Variants in MTBP observed in about 807,000 individuals in gnomAD.
MTBP encodes the protein mdm2-binding protein.
Under a neutral mutation model 117.0 loss-of-function variants are expected in MTBP, and 101 were observed. The ratio of observed to expected loss-of-function variants is 0.86; its 90% CI spans 0.73 to 1.02. The LOEUF (loss-of-function observed/expected upper bound fraction) is 1.02. Among genes scored for constraint, MTBP ranks in the 50% least tolerant of loss-of-function variants. The pLI is 0.00. For missense variants in MTBP, 970 were observed against 1,030.9 expected (o/e 0.94, Z 0.81); for synonymous variants, 350 against 351.5 (o/e 1.00, Z 0.05).
At chr8:120,478,528 CTA>C (rs562018071) in intron 11 of MTBP, among the ~76,000 whole-genome samples, 107 of 152,216 alleles carry the variant, frequency 7.0e-4, no homozygotes, top group African/African-American at 2.4e-3. Flanking sequence ...TTTTAGAACT[CTA>C]AACTCCAATA....
At chr8:120,477,851 T>C (rs200257402) in intron 11 of MTBP, among the ~76,000 whole-genome samples, 1 of 152,086 alleles carries the variant, frequency 6.6e-6, no homozygotes, top group Non-Finnish European at 1.5e-5. Context: ...GTGGCAATTC[T>C]TCAATGATCT....
chr8:120,467,479 G>A (rs748564129), intron 10 of MTBP, among the ~76,000 whole-genome samples: 4 of 152,146 alleles, frequency 2.6e-5, no homozygotes, highest in Admixed American at 1.3e-4. Context: ...TTATCCAGGC[G>A]TGGTGGCATG....
At chr8:120,447,710 A>G (rs1472341163) in intron 2 of MTBP, among the ~76,000 whole-genome samples, 1 of 152,224 alleles carries the variant, frequency 6.6e-6, no homozygotes, top group Non-Finnish European at 1.5e-5. Context: ...ATAAAAAAAT[A>G]GTAAAAATAA....
chr8:120,463,870 G>A (rs777719473), intron 10 of MTBP, 109 bp downstream of exon 10: 2 of 1,049,584 alleles, frequency 1.9e-6, no homozygotes, highest in Non-Finnish European at 2.7e-6. Flanking sequence ...TTGATGACTT[G>A]GTTTCTTTAA....
intron 2 of MTBP, among the ~76,000 whole-genome samples, chr8:120,447,685 T>C (rs1457899796): frequency 6.6e-6 from 1 of 152,186 alleles, no homozygotes; most frequent in African/African-American, 2.4e-5. Flanking sequence ...CTTACTGTTA[T>C]AAAATTTTAT....
At chr8:120,449,117 A>T (rs1813284661) in intron 2 of MTBP, among the ~76,000 whole-genome samples, 2 of 152,192 alleles carry the variant, frequency 1.3e-5, no homozygotes, top group African/African-American at 4.8e-5. Flanking sequence ...AGAAGACCAA[A>T]TGAGGAATGG....
At chr8:120,521,730 G>A (rs1054621533) in intron 20 of MTBP, among the ~76,000 whole-genome samples, 1 of 152,314 alleles carries the variant, frequency 6.6e-6, no homozygotes, top group East Asian at 1.9e-4. Context: ...TGAGACATCA[G>A]CTTCCTTTTG....
chr8:120,500,620 G>C (rs1814563563), intron 14 of MTBP, among the ~76,000 whole-genome samples: 1 of 152,184 alleles, frequency 6.6e-6, no homozygotes, highest in African/African-American at 2.4e-5. Context: ...AAAATGTGAA[G>C]TGTTGTATTT....
chr8:120,463,785 TTTTG>T (rs772896388), intron 10 of MTBP, 24 bp downstream of exon 10: 6 of 1,600,416 alleles, frequency 3.7e-6, no homozygotes, highest in East Asian at 2.2e-5. Flanking sequence ...CTTGGGGGTT[TTTTG>T]TTTGTTTGTT....
intron 13 of MTBP, among the ~76,000 whole-genome samples, chr8:120,494,604 T>G (rs1466533351): frequency 6.6e-6 from 1 of 152,242 alleles, no homozygotes; most frequent in Non-Finnish European, 1.5e-5. Flanking sequence ...CATCTAACTA[T>G]GGAAGATAAA....
chr8:120,501,355 G>A (rs962922564), intron 14 of MTBP, among the ~76,000 whole-genome samples: 17 of 149,610 alleles, frequency 1.1e-4, no homozygotes, highest in African/African-American at 3.0e-4. Context: ...GCGAGACTCC[G>A]TCTCAAAAAC....
chr8:120,459,436 A>G, intron 8 of MTBP, 87 bp downstream of exon 8: 1 of 1,324,068 alleles, frequency 7.6e-7, no homozygotes, highest in South Asian at 1.4e-5. Context: ...AATATTACTA[A>G]TATATGTGCT....
intron 13 of MTBP, among the ~76,000 whole-genome samples, chr8:120,495,323 T>A (rs2130591594): frequency 6.6e-6 from 1 of 152,316 alleles, no homozygotes; most frequent in South Asian, 2.1e-4. Flanking sequence ...TGTGGTAATC[T>A]AATTTTGGTT....
chr8:120,516,787 A>G (rs1224754066), intron 18 of MTBP, among the ~76,000 whole-genome samples: 2 of 152,034 alleles, frequency 1.3e-5, no homozygotes, highest in African/African-American at 4.8e-5. Context: ...TGTCAAACTT[A>G]GGTTCTTGGC....
chr8:120,509,359 T>C (rs1457706959), intron 16 of MTBP, among the ~76,000 whole-genome samples: 1 of 152,176 alleles, frequency 6.6e-6, no homozygotes, highest in Non-Finnish European at 1.5e-5. Context: ...CCTAACACTT[T>C]GGGAGGCTGA....
intron 6 of MTBP, among the ~76,000 whole-genome samples, chr8:120,455,818 A>T (rs905727923): frequency 6.6e-6 from 1 of 152,086 alleles, no homozygotes; most frequent in Non-Finnish European, 1.5e-5. Flanking sequence ...TTTTACAACC[A>T]TTATTGAGGA....
rs1030461815 is a variant in MTBP, at chr8:120,490,553, C to G, written c.1430C>G (p.Ala477Gly). ...EKQLANVQVL[A>G]LEECLKRRKL... ...CAGTTAGCTAATGTTCAAGTTTTAG[C>G]TTTGGAAGAATGCCTAAGTAAGTAA... Residue 477 changes from alanine (A) to glycine (G), a missense_variant, in exon 13 of 22, where the codon GCT becomes GGT. Physicochemically the swap from Ala to Gly is moderately conservative, Grantham distance 60. Coordinates refer to ENST00000305949, the MANE Select transcript of MTBP (RefSeq NM_022045.5). 7 of 1,600,028 alleles carry G rather than the reference C, an allele frequency of 4.4e-6. No homozygotes were observed. In the African/African-American group the frequency reaches 9.4e-5, roughly 22 times the overall value.
intron 11 of MTBP, among the ~76,000 whole-genome samples, chr8:120,483,862 C>T (rs1814152040): frequency 6.6e-6 from 1 of 151,898 alleles, no homozygotes; most frequent in Non-Finnish European, 1.5e-5. Flanking sequence ...TTTTAGTAAT[C>T]ATTTTCCCTT....
chr8:120,500,584 A>G (rs1442363854), intron 14 of MTBP, among the ~76,000 whole-genome samples: 2 of 152,196 alleles, frequency 1.3e-5, no homozygotes, highest in Non-Finnish European at 2.9e-5. Context: ...TTACTTTTTA[A>G]AATAGCATTT....
Sources: allele counts gnomAD v4.1 joint callset (sites outside exome capture counted in the v4.1 genomes callset), GRCh38; gene constraint gnomAD v4.1.1; transcripts MANE v1.5; gene names NCBI Gene and HGNC (gene_info 2026-07-23, HGNC 2026-07-21).